UBR1: variants seen among roughly 807,000 people sequenced by gnomAD.
UBR1 encodes the protein E3 ubiquitin-protein ligase UBR1.
In UBR1, 102 loss-of-function variants were observed where a neutral mutation model predicts 242.1. The observed-to-expected ratio is 0.42, with a 90% CI of 0.36 to 0.50. The LOEUF (loss-of-function observed/expected upper bound fraction) is 0.50. Among genes scored for constraint, UBR1 ranks in the 20% least tolerant of loss-of-function variants. The pLI is 0.01. For missense variants in UBR1, 1,772 were observed against 2,101.8 expected, an observed-to-expected ratio of 0.84 and a Z score of 3.07; for synonymous variants, 675 against 684.8, an observed-to-expected ratio of 0.99 and a Z score of 0.22.
At chr15:43,021,425 T>C (rs1567128343) in intron 26 of UBR1, 50 bp from the exon 27 acceptor site, 2 of 1,571,416 alleles carry the variant, frequency 1.3e-6, no homozygotes, top group South Asian at 1.1e-5. Context: ...AGTCATCTCT[T>C]GGTATCCTCA....
intron 33 of UBR1, among the ~76,000 whole-genome samples, chr15:42,997,714 C>G (rs972726187): frequency 1.3e-5 from 2 of 152,086 alleles, no homozygotes; most frequent in Non-Finnish European, 2.9e-5. Flanking sequence ...TACTATGTAC[C>G]ATGGACTATT....
At chr15:42,998,305 C>G in intron 32 of UBR1, 40 bp from the exon 33 acceptor site, 1 of 1,554,878 alleles carries the variant, frequency 6.4e-7, no homozygotes, top group Non-Finnish European at 8.9e-7. Context: ...ACCATGGGTA[C>G]AAAGTCAAAT....
chr15:43,025,081 G>C, intron 24 of UBR1, 98 bp from the exon 25 acceptor site: 2 of 1,454,706 alleles, frequency 1.4e-6, no homozygotes, highest in African/African-American at 1.4e-5. Flanking sequence ...AAAATAATAG[G>C]TTACATGCAA....
chr15:43,068,089 T>TAAAAAAAAAAAAAAAAAAAAAAAATAAA, intron 5 of UBR1, 53 bp from the exon 6 acceptor site: 1 of 787,320 alleles, frequency 1.3e-6, no homozygotes, highest in Non-Finnish European at 1.7e-6. Flanking sequence ...AAAGGAAAAG[T>TAAAAAAAAAAAAAAAAAAAAAAAATAAA]AAAAAAAAAA....
rs1320146415 is a variant in UBR1, at chr15:42,963,966, A to G, written c.4669T>C (p.Tyr1557His). 1.9e-6 allele frequency: 3 copies of G among 1,613,032 alleles called. No individual in the cohort carries two copies. The highest frequency in any genetic ancestry group is 2.5e-6 in the Non-Finnish European group (3 of 1,179,236). Residue 1557 changes from tyrosine to histidine, a missense_variant, in exon 42 of 47, where the codon TAT becomes CAT. By Grantham distance (83) the Tyr-to-His change is moderately conservative. Transcript: ENST00000290650. ...PTNLFLLFQE[Y>H]WDTVRPLLQR... is the part of the protein sequence containing the mutation. Reference sequence around the variant, plus strand: ...AGCAAGGGCCTTACAGTATCCCAATATTCCTGGAAGAGCAGGAACAAATTT... The same window carrying G: ...AGCAAGGGCCTTACAGTATCCCAATGTTCCTGGAAGAGCAGGAACAAATTT...
At chr15:43,049,436 G>T (rs963477877) in intron 12 of UBR1, among the ~76,000 whole-genome samples, 1 of 152,092 alleles carries the variant, frequency 6.6e-6, no homozygotes, top group African/African-American at 2.4e-5. Flanking sequence ...GGTGGCGGGT[G>T]CCTGTAGTCC....
At chr15:43,055,060 GT>G (rs1439160555) in intron 11 of UBR1, among the ~76,000 whole-genome samples, 161 bp from the exon 12 acceptor site, 2 of 152,128 alleles carry the variant, frequency 1.3e-5, no homozygotes, top group Non-Finnish European at 2.9e-5. Flanking sequence ...CTACTAAGAA[GT>G]TATTTTCTAA....
At chr15:43,021,490 C>A in intron 26 of UBR1, 115 bp from the exon 27 acceptor site, 1 of 883,254 alleles carries the variant, frequency 1.1e-6, no homozygotes, top group East Asian at 2.5e-5. Context: ...GCTCAATTCC[C>A]TTATGTAAAA....
chr15:43,088,326 A>T (rs2034063686), intron 1 of UBR1, among the ~76,000 whole-genome samples: 1 of 152,154 alleles, frequency 6.6e-6, no homozygotes, highest in Non-Finnish European at 1.5e-5. Flanking sequence ...AGTCCACCTA[A>T]ATGTCTATCA....
intron 12 of UBR1, among the ~76,000 whole-genome samples, chr15:43,051,073 G>A (rs1596119812): frequency 6.6e-6 from 1 of 152,122 alleles, no homozygotes; most frequent in Non-Finnish European, 1.5e-5. Flanking sequence ...TTTCATTACC[G>A]GGTATTCACC....
At position 43,048,387 on chromosome 15, in the gene UBR1, C is replaced by A; in HGVS notation, c.1539+5G>T. The A allele has an allele frequency of 6.2e-7, 1 of 1,604,746 alleles. No homozygotes were observed. Among genetic ancestry groups the A allele is most frequent in the South Asian group, 1.1e-5 (1 of 89,918 alleles). The stretch of plus-strand genomic sequence containing the variant: ...TTTTACTGATGTACAGAAAAATGAT[C>A]ATACCTGCATACAGGTAAGAATCTT... On this transcript the variant is annotated splice_donor_5th_base_variant and intron_variant, in intron 13 of 46. Coordinates refer to ENST00000290650, the MANE Select transcript of UBR1 (RefSeq NM_174916.3).
At chr15:43,049,216 T>C (rs560286934) in intron 12 of UBR1, among the ~76,000 whole-genome samples, 60 of 152,314 alleles carry the variant, frequency 3.9e-4, no homozygotes, top group African/African-American at 1.4e-3. Context: ...GTTCATAGTA[T>C]AGTGGGAAAA....
rs761533049 is a variant in UBR1 at position 42,952,282 on chromosome 15, G to A, written c.5002C>T (p.Leu1668=). 21 of 1,614,008 alleles carry A rather than the reference G, an allele frequency of 1.3e-5. No homozygotes were observed. The African/African-American group carries it at 2.5e-4, about 19-fold the overall frequency. ...LHCGAGVCIF[L]KIRECRVVLV... ...TCCAGAACACTCACTACTCACTTTA[G>A]GAAAATGCAGACTCCGGCTCCACAG... is the stretch of plus-strand genomic sequence containing the variant. The change falls in exon 45 of 47, where the codon CTA becomes TTA. Residue 1668 remains leucine (L), a synonymous_variant. Transcript: ENST00000290650.
In UBR1 at chr15:42,949,403, C is replaced by A. The variant is rs992715825; in HGVS notation, c.5108+859G>T. Reference sequence around the variant, plus strand: ...ATGTAACTAACCTGCACATTGTGCACATGTATCCTAAAACTTAAAGTATAA... The same window carrying A: ...ATGTAACTAACCTGCACATTGTGCAAATGTATCCTAAAACTTAAAGTATAA... On this transcript the variant is annotated intron_variant, in intron 46 of 46. Transcript: ENST00000290650. Among the ~76,000 whole-genome samples, 3 of 150,966 alleles carry A rather than the reference C, an allele frequency of 2.0e-5. No individual in the cohort carries two copies. In the Admixed American group the frequency reaches 2.0e-4, roughly 10 times the overall value.
At chr15:43,043,441 A>G (rs1450078058) in intron 14 of UBR1, 46 bp from the exon 15 acceptor site, 2 of 1,593,980 alleles carry the variant, frequency 1.3e-6, no homozygotes, top group East Asian at 2.2e-5. Context: ...TTTCTACTTT[A>G]ACACTTTTTT....
At position 42,984,955 on chromosome 15, in the gene UBR1, A is replaced by C; in HGVS notation, c.3998-13T>G. On this transcript the variant is annotated splice_polypyrimidine_tract_variant and intron_variant, in intron 35 of 46. Transcript: ENST00000290650. ...CCCAATAGATTTTCTCAAAGAATAAAAAAAAATAAAAATAATAAATCCTGA... is the reference window on the plus strand; with the variant it reads ...CCCAATAGATTTTCTCAAAGAATAACAAAAAATAAAAATAATAAATCCTGA... 6.3e-7 allele frequency: 1 copy of C among 1,582,396 alleles called. No individual in the cohort carries two copies. The highest frequency in any genetic ancestry group is 8.7e-7 in the Non-Finnish European group (1 of 1,153,624).
chr15:43,049,895 C>T (rs2033532941), intron 12 of UBR1, among the ~76,000 whole-genome samples: 1 of 152,100 alleles, frequency 6.6e-6, no homozygotes, highest in Non-Finnish European at 1.5e-5. Flanking sequence ...CACCTGAGTG[C>T]TCTTTAAAGA....
chr15:42,957,943 T>C (rs2031950099), intron 44 of UBR1, 70 bp downstream of exon 44: 2 of 1,272,334 alleles, frequency 1.6e-6, no homozygotes, highest in Non-Finnish European at 2.3e-6. Context: ...GTGTTAGTTA[T>C]GGCATATACC....
chr15:42,945,164 T>C lies in UBR1; in HGVS notation c.*165A>G. The C allele has an allele frequency of 2.3e-6, 2 of 882,714 alleles. No individual in the cohort carries two copies. The highest frequency in any genetic ancestry group is 3.5e-6 in the Non-Finnish European group (2 of 566,796). The allele number at this position is 882,714 out of a possible 1,614,324, so 54.7% of individuals were successfully genotyped here. A position where few individuals can be genotyped will look rare whatever the true frequency, so the allele number is the denominator to read the frequency against. The stretch of plus-strand genomic sequence containing the variant: ...TTCCTGTGAAGCATATGTTTGCTAA[T>C]TGAAAGCAATACTCCATTAAGAAAT... On this transcript the variant is annotated 3_prime_UTR_variant, in exon 47 of 47. Coordinates refer to ENST00000290650, the MANE Select transcript of UBR1 (RefSeq NM_174916.3).
Sources: gnomAD v4.1 joint callset for allele counts (sites outside exome capture counted in the v4.1 genomes callset) on GRCh38, gnomAD v4.1.1 for gene constraint, MANE v1.5 for transcripts, NCBI Gene and HGNC (gene_info 2026-07-23, HGNC 2026-07-21) for gene names.